The following HUWE1 variants were observed in gnomAD, a reference collection of about 807,000 sequenced individuals.
The protein encoded by HUWE1 is HECT, UBA and WWE domain containing E3 ubiquitin protein ligase 1, also known as E3 ubiquitin-protein ligase HUWE1.
A neutral mutation model predicts 299.4 loss-of-function variants in HUWE1; 18 were observed. That is an observed-to-expected ratio of 0.06 (90% confidence interval 0.04 to 0.09). The LOEUF (loss-of-function observed/expected upper bound fraction) is 0.09. Ranked by LOEUF, HUWE1 falls within the 10% of genes least tolerant of loss-of-function variation. The pLI is 1.00. For missense variants in HUWE1, 1,832 were observed against 3,462.3 expected (o/e 0.53, Z 11.82); for synonymous variants, 1,317 against 1,286.1 (o/e 1.02, Z -0.51).
At position 53,547,790 on chromosome X, in the gene HUWE1, C is replaced by T; in HGVS notation, c.10519G>A (p.Ala3507Thr). The change falls in exon 68 of 84, where the codon GCA (alanine) becomes ACA (threonine). Residue 3507 changes from alanine to threonine, a missense_variant. Ala to Thr is a moderately conservative substitution (Grantham distance 58). This residue lies in a region of HUWE1 where 119 missense variants were observed against 124.6 expected (regional missense o/e 0.96). Transcript: ENST00000262854. ...AASTTPTPPT[A>T]PTPVTSAPAL... ...GGAGCAGAAGTGACAGGGGTGGGTGCAGTAGGGGGTGTGGGCGTGGTGGAG... is the reference window on the plus strand; with the variant it reads ...GGAGCAGAAGTGACAGGGGTGGGTGTAGTAGGGGGTGTGGGCGTGGTGGAG... 8.3e-7 allele frequency: 1 copy of T among 1,200,133 alleles called. No homozygotes were observed. The highest frequency in any genetic ancestry group is 1.1e-6 in the Non-Finnish European group (1 of 889,329).
At position 53,576,978 on chromosome X, in the gene HUWE1, G is replaced by A; in HGVS notation, c.5806C>T (p.Pro1936Ser). The change falls in exon 44 of 84, where the codon CCT becomes TCT. Residue 1936 changes from proline to serine, a missense_variant. By Grantham distance (74) the Pro-to-Ser change is moderately conservative. Transcript: ENST00000262854. Reference protein sequence around the residue: ...KTTPLKPSPLPVIPDTIKEVI... With the variant: ...KTTPLKPSPLSVIPDTIKEVI... The stretch of plus-strand genomic sequence containing the variant: ...TCCTTGATAGTATCAGGGATGACAG[G>A]CAGAGGTGAGGGCTTCAAAGGGGTG... The A allele has an allele frequency of 1.7e-6, 2 of 1,201,106 alleles. No homozygotes were observed. The highest frequency in any genetic ancestry group is 1.8e-5 in the South Asian group (1 of 56,659).
intron 7 of HUWE1, among the ~76,000 whole-genome samples, chrX:53,644,540 T>C (rs1251237339): frequency 1.8e-5 from 2 of 111,980 alleles, no homozygotes; most frequent in Admixed American, 9.5e-5. Flanking sequence ...GGAGGTCTCA[T>C]AGGGATGAAT....
chrX:53,654,005 A>T, intron 4 of HUWE1, 58 bp downstream of exon 4: 9 of 865,209 alleles, frequency 1.0e-5, no homozygotes, highest in Non-Finnish European at 1.5e-5. Flanking sequence ...CTGTTCACAA[A>T]TATTTTTTTA....
chrX:53,642,731 C>A (rs1239946400), intron 7 of HUWE1, among the ~76,000 whole-genome samples: 2 of 112,352 alleles, frequency 1.8e-5, no homozygotes, highest in Non-Finnish European at 3.8e-5. Flanking sequence ...TTTTATTTCT[C>A]TAATTACTGA....
intron 41 of HUWE1, 34 bp downstream of exon 41, chrX:53,584,152 C>A: frequency 8.5e-7 from 1 of 1,178,609 alleles, no homozygotes; most frequent in Admixed American, 2.2e-5. Flanking sequence ...CACAAAGGCA[C>A]ATTAGCTTTA....
At chrX:53,654,192 G>T in intron 3 of HUWE1, 61 bp from the exon 4 acceptor site, 1 of 694,523 alleles carries the variant, frequency 1.4e-6, no homozygotes, top group Non-Finnish European at 2.3e-6. Flanking sequence ...AGCTCTACAA[G>T]CTTGGACACA....
At chrX:53,597,270 CATT>C (rs1376952859) in intron 29 of HUWE1, among the ~76,000 whole-genome samples, 2 of 107,691 alleles carry the variant, frequency 1.9e-5, no homozygotes, top group African/African-American at 6.8e-5. Context: ...CTAAGAACAT[CATT>C]GAGAAAGGGT....
intron 3 of HUWE1, among the ~76,000 whole-genome samples, chrX:53,676,007 T>C (rs899958390): frequency 3.6e-5 from 4 of 111,175 alleles, no homozygotes; most frequent in Non-Finnish European, 7.6e-5. Flanking sequence ...AACTACTCTA[T>C]GGAACATTCA....
chrX:53,558,165 T>C (rs1489611510), intron 59 of HUWE1, among the ~76,000 whole-genome samples: 1 of 112,104 alleles, frequency 8.9e-6, no homozygotes, highest in African/African-American at 3.2e-5. Flanking sequence ...TTAGTGATTT[T>C]ATACATGTGA....
At chrX:53,536,126 G>C in intron 80 of HUWE1, 21 bp downstream of exon 80, 1 of 1,044,910 alleles carries the variant, frequency 9.6e-7, no homozygotes, top group Admixed American at 2.2e-5. Context: ...GATGTGCTGT[G>C]ATTAGGATTT....
chrX:53,550,219 C>T (rs1318111188), intron 66 of HUWE1, among the ~76,000 whole-genome samples: 1 of 111,650 alleles, frequency 9.0e-6, no homozygotes, highest in Non-Finnish European at 1.9e-5. Context: ...CTAGTTTCTG[C>T]CTTCTCTAGA....
At chrX:53,568,564 G>T in intron 49 of HUWE1, 128 bp downstream of exon 49, 1 of 530,906 alleles carries the variant, frequency 1.9e-6, no homozygotes, top group Non-Finnish European at 3.0e-6. Flanking sequence ...AGTGCTAAAA[G>T]CCACAATAAG....
At position 53,615,766 on chromosome X, in the gene HUWE1, T is replaced by A; in HGVS notation, c.2027A>T (p.Asp676Val). ...LMRHQPTLKTDATTAIIKLLE... is the reference protein window; with the variant it reads ...LMRHQPTLKTVATTAIIKLLE... Reference sequence around the variant, plus strand: ...TACCTTGATGATGGCAGTCGTTGCATCTGTTTTAAGGGTGGGCTGATGTCT... The same window carrying A: ...TACCTTGATGATGGCAGTCGTTGCAACTGTTTTAAGGGTGGGCTGATGTCT... The change falls in exon 22 of 84, where the codon GAT (aspartate) becomes GTT (valine). Residue 676 changes from aspartate (D) to valine (V), a missense_variant. Physicochemically the swap from Asp to Val is radical, Grantham distance 152. Around this residue, in one of 15 missense-constraint regions of HUWE1, gnomAD observed 658 missense variants for 1,282.6 expected, o/e 0.51. Transcript: ENST00000262854. The A allele has an allele frequency of 8.3e-7, 1 of 1,208,620 alleles. No individual in the cohort carries two copies. The highest frequency in any genetic ancestry group is 1.1e-6 in the Non-Finnish European group (1 of 892,929).
In HUWE1 at chrX:53,629,428, C is replaced by T. The variant is rs1169976975; in HGVS notation, c.963+88G>A. On this transcript the variant is annotated intron_variant, in intron 13 of 83. Transcript: ENST00000262854. ...GTCTCATTATGTATATGCAAATATCCCCTCCCCCCCCAAAAAAGTCTCAAA... is the reference window on the plus strand; with the variant it reads ...GTCTCATTATGTATATGCAAATATCTCCTCCCCCCCCAAAAAAGTCTCAAA... The T allele has an allele frequency of 5.5e-5, 33 of 600,534 alleles. No individual in the cohort carries two copies. The East Asian group carries it at 1.1e-3, about 20-fold the overall frequency. The allele number at this position is 600,534 out of a possible 1,213,427, so 49.5% of individuals were successfully genotyped here. A position where few individuals can be genotyped will look rare whatever the true frequency, so the allele number is the denominator to read the frequency against.
chrX:53,535,922 G>GTTTTTTTTTT, intron 80 of HUWE1: 2 of 172,660 alleles, frequency 1.2e-5, no homozygotes, highest in Non-Finnish European at 1.0e-5. Context: ...ATGTACTGGA[G>GTTTTTTTTTT]TTTTTTTTTT....
intron 7 of HUWE1, 60 bp from the exon 8 acceptor site, chrX:53,634,358 C>T: frequency 1.2e-6 from 1 of 823,695 alleles, no homozygotes; most frequent in Non-Finnish European, 1.8e-6. Context: ...CGCCACTGCA[C>T]TCCAGCCTAG....
chrX:53,578,568 C>T (rs1180797276), intron 43 of HUWE1, among the ~76,000 whole-genome samples: 7 of 89,986 alleles, frequency 7.8e-5, no homozygotes, highest in Admixed American at 3.3e-4. Flanking sequence ...CCGCCCCGTC[C>T]GGGAGGGGGG....
chrX:53,534,776 A>G (rs1313773889), intron 81 of HUWE1, 79 bp from the exon 82 acceptor site: 8 of 898,389 alleles, frequency 8.9e-6, no homozygotes, highest in South Asian at 2.2e-5. Context: ...TCTGGCTCCC[A>G]TCTACCACTG....
chrX:53,565,044 G>C (rs1556944357), intron 50 of HUWE1, 23 bp downstream of exon 50: 1 of 1,200,488 alleles, frequency 8.3e-7, no homozygotes. Flanking sequence ...CACCTCTCCA[G>C]TCCATTGGCT....
Sources: allele counts gnomAD v4.1 joint callset (sites outside exome capture counted in the v4.1 genomes callset), GRCh38; gene constraint gnomAD v4.1.1; regional missense constraint gnomAD v4.1.1; transcripts MANE v1.5; gene names NCBI Gene and HGNC (gene_info 2026-07-23, HGNC 2026-07-21).